Variants in ANO2 observed in about 807,000 individuals in gnomAD.
ANO2 encodes the protein anoctamin-2.
In ANO2, 101 loss-of-function variants were observed where a neutral mutation model predicts 124.2. The observed-to-expected ratio is 0.81, with a 90% confidence interval of 0.69 to 0.96. The LOEUF is 0.96. ANO2 is among the 40% of genes least tolerant of loss of function. The pLI is 0.00. For synonymous variants in ANO2, 486 were observed against 482.5 expected, an observed-to-expected ratio of 1.01 and a Z score of -0.09; for missense variants, 1,293 against 1,274.5, an observed-to-expected ratio of 1.01 and a Z score of -0.22.
intron 1 of ANO2, among the ~76,000 whole-genome samples, chr12:5,923,094 G>GCACACACA (rs34845978): frequency 7.4e-5 from 2 of 27,058 alleles, no homozygotes; most frequent in Admixed American, 5.9e-4. Flanking sequence ...ACACACACAC[G>GCACACACA]CACACACATA....
chr12:5,717,822 C>T (rs1372538417), intron 14 of ANO2, among the ~76,000 whole-genome samples: 1 of 152,208 alleles, frequency 6.6e-6, no homozygotes, highest in East Asian at 1.9e-4. Context: ...ATTAAGTTGG[C>T]TCCCAAATGG....
chr12:5,625,817 C>T (rs1231322914), intron 16 of ANO2, among the ~76,000 whole-genome samples: 3 of 152,104 alleles, frequency 2.0e-5, no homozygotes, highest in South Asian at 2.1e-4. Context: ...GAGGCTTTGA[C>T]GGAAGACTAG....
intron 7 of ANO2, 58 bp downstream of exon 7, chr12:5,827,711 C>A: frequency 6.4e-7 from 1 of 1,559,574 alleles, no homozygotes; most frequent in East Asian, 2.3e-5. Context: ...GTTGAAAGCA[C>A]GGGGCGGGAG....
intron 13 of ANO2, among the ~76,000 whole-genome samples, chr12:5,735,074 G>A (rs1218390510): frequency 1.3e-5 from 2 of 152,154 alleles, no homozygotes; most frequent in African/African-American, 4.8e-5. Flanking sequence ...CTCCCTCTTT[G>A]CAGCCAAGCA....
intron 19 of ANO2, among the ~76,000 whole-genome samples, chr12:5,610,815 T>A (rs1320902165): frequency 6.2e-5 from 5 of 81,044 alleles, no homozygotes; most frequent in African/African-American, 2.1e-4. Context: ...ATCAGAGTTG[T>A]CCATACACAC....
In ANO2 at chr12:5,888,309, A is replaced by T. The variant is rs527387520; in HGVS notation, c.534+32731T>A. Among the ~76,000 whole-genome samples, 238 of 152,314 alleles carry T rather than the reference A, an allele frequency of 1.6e-3. 1 individual carries two copies. Among genetic ancestry groups the T allele is most frequent in the African/African-American group, 5.5e-3 (228 of 41,566 alleles). Reference sequence around the variant, plus strand: ...ACCTTCGCGGTGAGCGTTACAGCTCATAAAAACAGTGTGGACCCAAAGAGT... The same window carrying T: ...ACCTTCGCGGTGAGCGTTACAGCTCTTAAAAACAGTGTGGACCCAAAGAGT... On this transcript the variant is annotated intron_variant, in intron 3 of 24. Transcript: ENST00000682330.
chr12:5,640,532 G>GA (rs1016712421), intron 15 of ANO2, among the ~76,000 whole-genome samples: 2 of 151,856 alleles, frequency 1.3e-5, no homozygotes, highest in Admixed American at 6.6e-5. Flanking sequence ...AAATTTACAA[G>GA]AAAAAAACAA....
chr12:5,905,810 C>A (rs117768759), intron 3 of ANO2, among the ~76,000 whole-genome samples: 35 of 152,248 alleles, frequency 2.3e-4, no homozygotes, highest in East Asian at 1.7e-3. Context: ...TGCTAACACC[C>A]CAGGGCTCAA....
At chr12:5,590,425 C>A (rs142239090) in intron 20 of ANO2, among the ~76,000 whole-genome samples, 8 of 152,222 alleles carry the variant, frequency 5.3e-5, no homozygotes, top group African/African-American at 1.4e-4. Context: ...CAGCCAGGGG[C>A]CTGGAGGATG....
intron 3 of ANO2, among the ~76,000 whole-genome samples, chr12:5,875,163 G>A (rs61469999): frequency 0.026 from 3,929 of 152,322 alleles, 174 homozygotes; most frequent in African/African-American, 0.089. Context: ...GAACCCCAGT[G>A]TCTGATACTG....
At chr12:5,886,888 T>C (rs1374458841) in intron 3 of ANO2, among the ~76,000 whole-genome samples, 1 of 152,158 alleles carries the variant, frequency 6.6e-6, no homozygotes, top group Non-Finnish European at 1.5e-5. Flanking sequence ...CTCAGTCAAA[T>C]TCACAGAGAC....
At chr12:5,820,875 T>C (rs1953773697) in intron 7 of ANO2, among the ~76,000 whole-genome samples, 1 of 152,184 alleles carries the variant, frequency 6.6e-6, no homozygotes, top group African/African-American at 2.4e-5. Flanking sequence ...AATTAACACA[T>C]CTCCTGGTAC....
At chr12:5,755,192 T>A (rs10774371) in intron 10 of ANO2, among the ~76,000 whole-genome samples, 60,250 of 151,500 alleles carry the variant, frequency 0.4, 13,315 homozygotes, top group East Asian at 0.59. Flanking sequence ...GGCAGGTTTT[T>A]TAAATTTCAA....
At chr12:5,713,533 T>G (rs1412400363) in intron 14 of ANO2, among the ~76,000 whole-genome samples, 1 of 152,148 alleles carries the variant, frequency 6.6e-6, no homozygotes, top group Non-Finnish European at 1.5e-5. Context: ...CCCCCTACCC[T>G]GGGTGCCAAC....
intron 3 of ANO2, among the ~76,000 whole-genome samples, chr12:5,865,566 C>A (rs559105996): frequency 2.0e-5 from 3 of 151,044 alleles, no homozygotes; most frequent in Admixed American, 1.3e-4. Context: ...AGAATTCACA[C>A]CATCATGCAT....
chr12:5,780,928 G>A (rs1328291618), intron 10 of ANO2, among the ~76,000 whole-genome samples: 5 of 152,202 alleles, frequency 3.3e-5, no homozygotes, highest in Admixed American at 6.5e-5. Context: ...GCCAACGGGC[G>A]TCCTTCCCTA....
At chr12:5,647,295 C>T (rs1946689032) in intron 15 of ANO2, among the ~76,000 whole-genome samples, 1 of 152,198 alleles carries the variant, frequency 6.6e-6, no homozygotes, top group Non-Finnish European at 1.5e-5. Context: ...CTGTACCAAA[C>T]TCTAAGGTAA....
In ANO2 at chr12:5,576,004, A is replaced by C. The variant is rs756043314; in HGVS notation, c.2451T>G (p.Ile817Met). ...KFSVISNAFVIAITSDFIPRL... is the reference protein window; with the variant it reads ...KFSVISNAFVMAITSDFIPRL... ...GGGGGATAAAGTCGGAGGTGATCGC[A>C]ATGACAAAAGCCTGAGGGACAGAAC... The change falls in exon 23 of 25, where the codon ATT becomes ATG. Residue 817 changes from isoleucine to methionine, a missense_variant. By Grantham distance (10) the Ile-to-Met change is conservative (BLOSUM62 1). Coordinates refer to ENST00000682330, the MANE Select transcript of ANO2 (RefSeq NM_001364791.2). The C allele has an allele frequency of 6.2e-7, 1 of 1,606,520 alleles. No homozygotes were observed. The highest frequency in any genetic ancestry group is 2.2e-5 in the East Asian group (1 of 44,638).
intron 14 of ANO2, among the ~76,000 whole-genome samples, chr12:5,694,251 C>CAGAGAGAGAGAGAGAG (rs5796182): frequency 0.015 from 2,019 of 133,884 alleles, 31 homozygotes; most frequent in East Asian, 0.053. Context: ...TTACCAGAGA[C>CAGAGAGAGAGAGAGAG]AGAGAGAGAG....
Sources: allele counts gnomAD v4.1 joint callset (sites outside exome capture counted in the v4.1 genomes callset), GRCh38; gene constraint gnomAD v4.1.1; transcripts MANE v1.5; gene names NCBI Gene and HGNC (gene_info 2026-07-23, HGNC 2026-07-21).